SLC36A4: variants seen among roughly 807,000 people sequenced by gnomAD.
SLC36A4 encodes neutral amino acid uniporter 4.
SLC36A4 carries 49 observed loss-of-function variants against 50.5 expected under a neutral mutation model. The observed-to-expected ratio is 0.97, with a 90% CI of 0.77 to 1.23. The LOEUF is 1.23. Among genes scored for constraint, SLC36A4 ranks in the 50% most tolerant of loss-of-function variants. The pLI, the probability that SLC36A4 is intolerant of heterozygous loss-of-function variation, is 0.00. For synonymous variants in SLC36A4, 207 were observed against 206.5 expected (o/e 1.00, Z -0.02); for missense variants, 611 against 608.4 (o/e 1.00, Z -0.05).
intron 9 of SLC36A4, among the ~76,000 whole-genome samples, chr11:93,158,854 A>C (rs1447796215): frequency 6.6e-6 from 1 of 152,114 alleles, no homozygotes; most frequent in Non-Finnish European, 1.5e-5. Flanking sequence ...AAAGAATAAT[A>C]AACTTTCTTA....
chr11:93,174,432 C>A (rs1008742119), intron 6 of SLC36A4, among the ~76,000 whole-genome samples: 9 of 148,214 alleles, frequency 6.1e-5, no homozygotes, highest in African/African-American at 2.2e-4. Context: ...AATTGAATAC[C>A]CTTTATTTCC....
Position 93,168,177 on chromosome 11 carries a change from T to C in SLC36A4, c.541-6A>G, listed in dbSNP as rs1241207648. ...TCCAGGAATCCTTCATGAACCTACA[T>C]AGGATTACCAGGAGAATAAAGAAGG... On this transcript the variant is annotated splice_region_variant and splice_polypyrimidine_tract_variant and intron_variant, in intron 6 of 10. Coordinates refer to ENST00000326402, the MANE Select transcript of SLC36A4 (RefSeq NM_152313.4). The C allele has an allele frequency of 3.2e-6, 5 of 1,561,494 alleles. No individual in the cohort carries two copies. Among genetic ancestry groups the C allele is most frequent in the South Asian group, 2.3e-5 (2 of 85,830 alleles).
chr11:93,160,279 A>G (rs754034702), intron 9 of SLC36A4: 106 of 985,320 alleles, frequency 1.1e-4, no homozygotes, highest in Non-Finnish European at 1.3e-4. Flanking sequence ...AACCAATGCA[A>G]ATTCTCTAAA....
chr11:93,144,846 A>T lies in SLC36A4; in HGVS notation c.*3691T>A, dbSNP rs1859817571. 2 of 151,984 alleles carry T rather than the reference A, an allele frequency of 1.3e-5. No individual in the cohort carries two copies. Among genetic ancestry groups the T allele is most frequent in the African/African-American group, 4.8e-5 (2 of 41,422 alleles). The allele number at this position is 151,984 out of a possible 1,614,324, so 9.4% of individuals were successfully genotyped here. A position where few individuals can be genotyped will look rare whatever the true frequency, so the allele number is the denominator to read the frequency against. The stretch of plus-strand genomic sequence containing the variant: ...AAGCTAGGTGAGCCAAAAAGATCAG[A>T]CTCATTTTTTAAAAAGTCATTATTG... On this transcript the variant is annotated 3_prime_UTR_variant, in exon 11 of 11. Transcript: ENST00000326402.
chr11:93,188,007 G>A (rs1451062365), intron 1 of SLC36A4, among the ~76,000 whole-genome samples: 1 of 152,132 alleles, frequency 6.6e-6, no homozygotes, highest in African/African-American at 2.4e-5. Flanking sequence ...TTCTCTTTCT[G>A]AAGGAGATTT....
chr11:93,181,827 T>C (rs1861752150), intron 4 of SLC36A4, 41 bp from the exon 5 acceptor site: 4 of 1,471,676 alleles, frequency 2.7e-6, no homozygotes, highest in Non-Finnish European at 3.6e-6. Context: ...AAAAGAAAAA[T>C]TTTAAGGTGG....
At chr11:93,163,099 T>C (rs1860705129) in intron 8 of SLC36A4, among the ~76,000 whole-genome samples, 1 of 149,824 alleles carries the variant, frequency 6.7e-6, no homozygotes, top group Non-Finnish European at 1.5e-5. Context: ...AACCTGTTAG[T>C]TTTTTTTTTA....
intron 9 of SLC36A4, 132 bp from the exon 10 acceptor site, chr11:93,154,409 T>C: frequency 2.4e-6 from 1 of 418,814 alleles, no homozygotes. Context: ...CTAAAAATGC[T>C]TGTTTGTAAA....
At chr11:93,165,835 G>A in intron 8 of SLC36A4, 83 bp downstream of exon 8, 1 of 779,850 alleles carries the variant, frequency 1.3e-6, no homozygotes, top group Non-Finnish European at 1.9e-6. Flanking sequence ...AGAAAAATAT[G>A]CAATTTTAAA....
chr11:93,181,697 C>A lies in SLC36A4; in HGVS notation c.449G>T (p.Trp150Leu). Residue 150 changes from tryptophan (W) to leucine (L), a missense_variant, in exon 5 of 11, where the codon TGG becomes TTG. Trp to Leu is a moderately conservative substitution (Grantham distance 61). Coordinates refer to ENST00000326402, the MANE Select transcript of SLC36A4 (RefSeq NM_152313.4). ...PWSCLQKQAA[W>L]GRSVVDFFLV... ...TAACAGAGTAAGTACTTACCGCCCC[C>A]ATGCTGCTTGCTTCTGAAGACAACT... 6.5e-7 allele frequency: 1 copy of A among 1,530,922 alleles called. No individual in the cohort carries two copies. The highest frequency in any genetic ancestry group is 8.8e-7 in the Non-Finnish European group (1 of 1,134,402). The allele number at this position is 1,530,922 out of a possible 1,614,324, so 94.8% of individuals were successfully genotyped here.
In SLC36A4 at chr11:93,173,324, T is replaced by C. The variant is rs1590959767; in HGVS notation, c.541-5153A>G. Among the ~76,000 whole-genome samples, 13 of 149,300 alleles carry C rather than the reference T, an allele frequency of 8.7e-5. No homozygotes were observed. The South Asian group carries it at 2.8e-3, about 32-fold the overall frequency. The stretch of plus-strand genomic sequence containing the variant: ...TTTTTTCTTGTAAATTTGTTTGAGT[T>C]CATTGTAGATTCTGGATATCAGCCC... On this transcript the variant is annotated intron_variant, in intron 6 of 10. Coordinates refer to ENST00000326402, the MANE Select transcript of SLC36A4 (RefSeq NM_152313.4).
At chr11:93,187,999 C>G (rs1862062585) in intron 1 of SLC36A4, among the ~76,000 whole-genome samples, 1 of 152,204 alleles carries the variant, frequency 6.6e-6, no homozygotes, top group Non-Finnish European at 1.5e-5. Context: ...ATTAGACTTT[C>G]TCTTTCTGAA....
At chr11:93,169,153 T>C (rs961681699) in intron 6 of SLC36A4, among the ~76,000 whole-genome samples, 1 of 152,108 alleles carries the variant, frequency 6.6e-6, no homozygotes, top group Admixed American at 6.6e-5. Context: ...CTAGTGTTTT[T>C]TGAGTAATTT....
intron 1 of SLC36A4, among the ~76,000 whole-genome samples, chr11:93,189,539 C>G (rs1862126240): frequency 6.6e-6 from 1 of 152,152 alleles, no homozygotes; most frequent in Non-Finnish European, 1.5e-5. Context: ...TATTTTTATT[C>G]CTAAATGTAC....
At position 93,185,680 on chromosome 11, in the gene SLC36A4, A is replaced by C; in HGVS notation, c.179+11T>G. On this transcript the variant is annotated intron_variant, in intron 2 of 10. Coordinates refer to ENST00000326402, the MANE Select transcript of SLC36A4 (RefSeq NM_152313.4). ...TAAAAGAAAAGGAGACTTATAAACC[A>C]TAACACTTACGAAATGCCCTCTTGA... 6.3e-7 allele frequency: 1 copy of C among 1,578,528 alleles called. No individual in the cohort carries two copies.
At chr11:93,157,706 C>T (rs563121846) in intron 9 of SLC36A4, among the ~76,000 whole-genome samples, 1 of 152,240 alleles carries the variant, frequency 6.6e-6, no homozygotes, top group South Asian at 2.1e-4. Context: ...ATGTTTTTTG[C>T]ACATTGATTT....
At chr11:93,190,386 A>G (rs1245999279) in intron 1 of SLC36A4, among the ~76,000 whole-genome samples, 1 of 152,228 alleles carries the variant, frequency 6.6e-6, no homozygotes, top group Non-Finnish European at 1.5e-5. Context: ...TGTTCCCAAC[A>G]CACACAAAAA....
chr11:93,148,773 A>AT lies in SLC36A4; in HGVS notation c.1278dup (p.Leu427IlefsTer10), dbSNP rs757473936. On this transcript the variant is annotated frameshift_variant, in exon 11 of 11. Transcript: ENST00000326402. LOFTEE classifies it high-confidence loss of function. The stretch of plus-strand genomic sequence containing the variant: ...ACCAAAGGTGGCAGGATTAGGGCCA[A>AT]TGTGCTGCTGCTCACAGCTCCAACG... 5 of 1,613,062 alleles carry AT rather than the reference A, an allele frequency of 3.1e-6. No individual in the cohort carries two copies. In the South Asian group the frequency reaches 5.5e-5, roughly 18 times the overall value.
rs1049426242 is a variant in SLC36A4, at chr11:93,192,015, T to C, written c.55+5763A>G. Among the ~76,000 whole-genome samples, 7 of 152,254 alleles carry C rather than the reference T, an allele frequency of 4.6e-5. No homozygotes were observed. The East Asian group carries it at 1.4e-3, about 29-fold the overall frequency. On this transcript the variant is annotated intron_variant, in intron 1 of 10. Coordinates refer to ENST00000326402, the MANE Select transcript of SLC36A4 (RefSeq NM_152313.4). ...AGGCCCTAATATATGTTAAACACCA[T>C]TAGATGCTGAGAATAATTACTAAAA...
Sources: allele counts gnomAD v4.1 joint callset (sites outside exome capture counted in the v4.1 genomes callset), GRCh38; gene constraint gnomAD v4.1.1; transcripts MANE v1.5; gene names NCBI Gene and HGNC (gene_info 2026-07-23, HGNC 2026-07-21).